The following SH2D1B variants were observed in gnomAD, a reference collection of about 807,000 sequenced individuals.
SH2D1B encodes SH2 domain containing 1B.
In SH2D1B, 11 loss-of-function variants were observed where a neutral mutation model predicts 16.3. The ratio of observed to expected loss-of-function variants is 0.67; its 90% confidence interval spans 0.42 to 1.11. SH2D1B has a LOEUF of 1.11. Ranked by LOEUF, SH2D1B falls within the 50% of genes most tolerant of loss-of-function variation. The pLI is 0.00. For missense variants in SH2D1B, 123 were observed against 153.1 expected (o/e 0.80, Z 1.04); for synonymous variants, 55 against 56.1 (o/e 0.98, Z 0.09).
At chr1:162,402,909 A>AAC in intron 1 of SH2D1B, 107 bp from the exon 2 acceptor site, 1 of 942,778 alleles carries the variant, frequency 1.1e-6, no homozygotes, top group Non-Finnish European at 1.6e-6. Flanking sequence ...ATCCTAAAAA[A>AAC]ACTCTTTTTT....
intron 2 of SH2D1B, among the ~76,000 whole-genome samples, chr1:162,400,286 CTT>C (rs1241054289): frequency 4.9e-4 from 41 of 83,276 alleles, no homozygotes; most frequent in African/African-American, 1.6e-3. Context: ...ACACCACGTA[CTT>C]TTTTTTTTTT....
rs969367623 is a variant in SH2D1B at position 162,396,737 on chromosome 1, A to G, written c.*543T>C. 6.5e-6 allele frequency: 1 copy of G among 154,910 alleles called. No individual in the cohort carries two copies. Among genetic ancestry groups the G allele is most frequent in the African/African-American group, 2.4e-5 (1 of 41,432 alleles). 9.6% of individuals were successfully genotyped at this position (154,910 alleles called of 1,614,324 possible). ...ACAGAGAAGGTGCTGATCTGTATGC[A>G]TCTCCATCACTCCCGATCCCTCACC... On this transcript the variant is annotated 3_prime_UTR_variant, in exon 4 of 4. Transcript: ENST00000367929.
chr1:162,401,272 G>A (rs1476852897), intron 2 of SH2D1B, among the ~76,000 whole-genome samples: 2 of 152,050 alleles, frequency 1.3e-5, no homozygotes, highest in Non-Finnish European at 2.9e-5. Flanking sequence ...GTCCACACAA[G>A]AGACAAAACA....
At chr1:162,410,844 C>T (rs12061909) in intron 1 of SH2D1B, among the ~76,000 whole-genome samples, 3,255 of 150,820 alleles carry the variant, frequency 0.022, 124 homozygotes, top group African/African-American at 0.074. Flanking sequence ...TTAGTAGAGA[C>T]GGGGTTTCTT....
chr1:162,412,076 G>A lies in SH2D1B; in HGVS notation c.-60C>T. ...GCCTGAAATTCACCCCCAAGTCAAG[G>A]GACAGCTCTGAGGAGAGATGTGTAA... is the stretch of plus-strand genomic sequence containing the variant. On this transcript the variant is annotated 5_prime_UTR_variant, in exon 1 of 4. Transcript: ENST00000367929. 4 of 1,608,852 alleles carry A rather than the reference G, an allele frequency of 2.5e-6. No individual in the cohort carries two copies. The highest frequency in any genetic ancestry group is 2.2e-5 in the East Asian group (1 of 44,786).
chr1:162,406,535 A>C (rs1462406387), intron 1 of SH2D1B, among the ~76,000 whole-genome samples: 2 of 152,202 alleles, frequency 1.3e-5, no homozygotes, highest in African/African-American at 4.8e-5. Context: ...CAAAATATTA[A>C]AAATGGTGAT....
intron 3 of SH2D1B, among the ~76,000 whole-genome samples, chr1:162,398,053 T>C (rs1324420432): frequency 1.3e-5 from 2 of 152,192 alleles, no homozygotes; most frequent in Non-Finnish European, 2.9e-5. Context: ...TTGTATTTTA[T>C]GCTTAGCCTT....
At position 162,395,319 on chromosome 1, in the gene SH2D1B, A is replaced by G. The variant is rs1207971342; in HGVS notation, c.*1961T>C. 6.6e-6 allele frequency: 1 copy of G among 152,238 alleles called. No individual in the cohort carries two copies. The highest frequency in any genetic ancestry group is 2.4e-5 in the African/African-American group (1 of 41,472). The allele number at this position is 152,238 out of a possible 1,614,324, so 9.4% of individuals were successfully genotyped here. A position where few individuals can be genotyped will look rare whatever the true frequency, so the allele number is the denominator to read the frequency against. ...GGTAACTTACCTTTATAATGGAGTG[A>G]AGACAAAAGGAATGTGACTATCTCA... On this transcript the variant is annotated 3_prime_UTR_variant, in exon 4 of 4. Coordinates refer to ENST00000367929, the MANE Select transcript of SH2D1B (RefSeq NM_053282.5).
At chr1:162,410,438 T>C (rs1309073775) in intron 1 of SH2D1B, among the ~76,000 whole-genome samples, 3 of 152,138 alleles carry the variant, frequency 2.0e-5, no homozygotes, top group African/African-American at 7.2e-5. Flanking sequence ...ACAAGTGACA[T>C]TGAGTAATTT....
Position 162,411,938 on chromosome 1 carries a change from T to C in SH2D1B, c.79A>G (p.Asn27Asp), listed in dbSNP as rs1349673510. ...GACTCGCTGTCTCTTAAAAGAAAGT[T>C]GCCATCCACCCCTTCCTTGAGCAGC... is the stretch of plus-strand genomic sequence containing the variant. ...TLLLKEGVDG[N>D]FLLRDSESIP... The change falls in exon 1 of 4, where the codon AAC becomes GAC. Residue 27 changes from asparagine (N) to aspartate (D), a missense_variant. Asn to Asp is a conservative substitution (Grantham distance 23, BLOSUM62 1). Coordinates refer to ENST00000367929, the MANE Select transcript of SH2D1B (RefSeq NM_053282.5). 3.1e-6 allele frequency: 5 copies of C among 1,614,044 alleles called. No homozygotes were observed. Among genetic ancestry groups the C allele is most frequent in the Non-Finnish European group, 4.2e-6 (5 of 1,180,028 alleles).
At chr1:162,403,599 A>G (rs1399983399) in intron 1 of SH2D1B, among the ~76,000 whole-genome samples, 1 of 142,960 alleles carries the variant, frequency 7.0e-6, no homozygotes, top group Non-Finnish European at 1.5e-5. Flanking sequence ...TGAATCTAGT[A>G]TGTTGAAGAA....
chr1:162,405,904 G>C (rs570195681), intron 1 of SH2D1B, among the ~76,000 whole-genome samples: 5 of 152,220 alleles, frequency 3.3e-5, no homozygotes, highest in Non-Finnish European at 7.3e-5. Context: ...ACAGCCCACA[G>C]ATTAGCACGG....
rs139482941 is a variant in SH2D1B at position 162,411,918 on chromosome 1, G to A, written c.99C>T (p.Ser33=). 4.5e-5 allele frequency: 73 copies of A among 1,614,068 alleles called. No homozygotes were observed. In the South Asian group the frequency reaches 5.5e-4, roughly 12 times the overall value. ...GVDGNFLLRD[S]ESIPGVLCLC... is the part of the protein sequence containing the mutation. The stretch of plus-strand genomic sequence containing the variant: ...GGCACAGGACTCCTGGTATCGACTC[G>A]CTGTCTCTTAAAAGAAAGTTGCCAT... The change falls in exon 1 of 4, where the codon AGC becomes AGT. Residue 33 remains serine, a synonymous_variant. Coordinates refer to ENST00000367929, the MANE Select transcript of SH2D1B (RefSeq NM_053282.5).
chr1:162,402,905 A>C, intron 1 of SH2D1B, 103 bp from the exon 2 acceptor site: 1 of 958,980 alleles, frequency 1.0e-6, no homozygotes. Context: ...TACAATCCTA[A>C]AAAAACTCTT....
chr1:162,399,077 C>T lies in SH2D1B; in HGVS notation c.209G>A (p.Gly70Asp), dbSNP rs769174152. ...GCTTGGAAAGACCTGTTTTGGAGAA[C>T]CTTCTGCAGTCTGCAAAAATACAAG... ...HGYYRIQTAE[G>D]SPKQVFPSLK... Residue 70 changes from glycine to aspartate, a missense_variant, in exon 3 of 4, where the codon GGT becomes GAT. Coordinates refer to ENST00000367929, the MANE Select transcript of SH2D1B (RefSeq NM_053282.5). 2 of 1,603,836 alleles carry T rather than the reference C, an allele frequency of 1.2e-6. No individual in the cohort carries two copies. The highest frequency in any genetic ancestry group is 1.7e-5 in the Admixed American group (1 of 57,842).
intron 2 of SH2D1B, among the ~76,000 whole-genome samples, chr1:162,400,055 T>C (rs1335080987): frequency 6.6e-6 from 1 of 152,252 alleles, no homozygotes; most frequent in African/African-American, 2.4e-5. Flanking sequence ...ACATTTTATT[T>C]ATCCAGTCTA....
intron 1 of SH2D1B, among the ~76,000 whole-genome samples, chr1:162,410,744 C>T (rs1402636800): frequency 6.6e-6 from 1 of 151,412 alleles, no homozygotes; most frequent in African/African-American, 2.4e-5. Context: ...GCAACCTCCA[C>T]CACCCGGGTT....
chr1:162,396,630 C>G lies in SH2D1B; in HGVS notation c.*650G>C, dbSNP rs1415699629. The G allele has an allele frequency of 1.3e-5, 2 of 152,554 alleles. No individual in the cohort carries two copies. Among genetic ancestry groups the G allele is most frequent in the Non-Finnish European group, 2.9e-5 (2 of 68,402 alleles). 9.5% of individuals were successfully genotyped at this position (152,554 alleles called of 1,614,324 possible). Reference sequence around the variant, plus strand: ...AAAGTGTGGCTGGGGCAATGCTCACCAGGAAGTTTAAGATTAGAAAGAACC... The same window carrying G: ...AAAGTGTGGCTGGGGCAATGCTCACGAGGAAGTTTAAGATTAGAAAGAACC... On this transcript the variant is annotated 3_prime_UTR_variant, in exon 4 of 4. Coordinates refer to ENST00000367929, the MANE Select transcript of SH2D1B (RefSeq NM_053282.5).
At chr1:162,409,071 T>C (rs115558986) in intron 1 of SH2D1B, among the ~76,000 whole-genome samples, 1 of 149,554 alleles carries the variant, frequency 6.7e-6, no homozygotes, top group African/African-American at 2.5e-5. Context: ...ATCGCACCAC[T>C]GCACTCCAGC....
Sources: allele counts gnomAD v4.1 joint callset (sites outside exome capture counted in the v4.1 genomes callset), GRCh38; gene constraint gnomAD v4.1.1; transcripts MANE v1.5; gene names NCBI Gene and HGNC (gene_info 2026-07-23, HGNC 2026-07-21).